LAMP3: variants seen among roughly 807,000 people sequenced by gnomAD.
The protein encoded by LAMP3 is lysosome associated membrane protein 3.
A neutral mutation model predicts 34.8 loss-of-function variants in LAMP3; 26 were observed. That is an observed-to-expected ratio of 0.75 (90% CI 0.55 to 1.04). The LOEUF (loss-of-function observed/expected upper bound fraction) is 1.04. Ranked by LOEUF, LAMP3 falls within the 50% of genes least tolerant of loss-of-function variation. LAMP3 has a pLI of 0.00. For synonymous variants in LAMP3, 180 were observed against 201.9 expected, an observed-to-expected ratio of 0.89 and a Z score of 0.92; for missense variants, 495 against 524.0, an observed-to-expected ratio of 0.94 and a Z score of 0.54.
At chr3:183,142,567 AAG>A (rs1209968927) in intron 3 of LAMP3, among the ~76,000 whole-genome samples, 4 of 152,110 alleles carry the variant, frequency 2.6e-5, no homozygotes, top group African/African-American at 9.7e-5. Context: ...GCTGAGAACA[AAG>A]AGGCTCAGAA....
intron 1 of LAMP3, among the ~76,000 whole-genome samples, chr3:183,158,821 C>T (rs1382949785): frequency 1.3e-5 from 2 of 152,026 alleles, no homozygotes; most frequent in East Asian, 1.9e-4. Flanking sequence ...GGTCTTTGTT[C>T]TCAGGGGCCC....
intron 3 of LAMP3, among the ~76,000 whole-genome samples, chr3:183,149,936 G>A (rs1173992398): frequency 2.0e-5 from 3 of 152,106 alleles, no homozygotes; most frequent in Non-Finnish European, 4.4e-5. Context: ...GGATAACTAA[G>A]GCCAGTGGGA....
At chr3:183,145,731 C>A (rs145445128) in intron 3 of LAMP3, among the ~76,000 whole-genome samples, 11,221 of 152,130 alleles carry the variant, frequency 0.074, 471 homozygotes, top group East Asian at 0.16. Flanking sequence ...GTGGTGCACA[C>A]CTGTAATCCC....
chr3:183,134,243 G>A (rs866148235), intron 5 of LAMP3, among the ~76,000 whole-genome samples: 1 of 152,130 alleles, frequency 6.6e-6, no homozygotes, highest in Non-Finnish European at 1.5e-5. Flanking sequence ...TGTATGAGAG[G>A]GTGCTGGAGG....
rs1309951393 is a variant in LAMP3 at position 183,162,705 on chromosome 3, C to T, written c.-50G>A. The stretch of plus-strand genomic sequence containing the variant: ...AGCGTGCGGCGAAGTCCGGGCAGGC[C>T]CCGAATCGGTGCCAGAGAAACCTAC... On this transcript the variant is annotated 5_prime_UTR_variant, in exon 1 of 6. Transcript: ENST00000265598. The T allele has an allele frequency of 1.4e-6, 2 of 1,472,618 alleles. No homozygotes were observed. Among genetic ancestry groups the T allele is most frequent in the Non-Finnish European group, 1.8e-6 (2 of 1,116,766 alleles). The allele number at this position is 1,472,618 out of a possible 1,614,324, so 91.2% of individuals were successfully genotyped here.
At chr3:183,158,930 A>T (rs991318351) in intron 1 of LAMP3, among the ~76,000 whole-genome samples, 5 of 149,132 alleles carry the variant, frequency 3.4e-5, no homozygotes, top group Admixed American at 3.4e-4. Context: ...ACAGGGTCTC[A>T]CTCTGTCACC....
At chr3:183,124,516 C>T (rs1719738006) in intron 5 of LAMP3, among the ~76,000 whole-genome samples, 1 of 152,164 alleles carries the variant, frequency 6.6e-6, no homozygotes, top group Non-Finnish European at 1.5e-5. Flanking sequence ...AGGCATACTC[C>T]CTGCTAAGTG....
Position 183,124,023 on chromosome 3 carries a change from CT to C in LAMP3, c.*57del, listed in dbSNP as rs1719725166. ...CTGAGGGAATTTCCCAACATCCATC[CT>C]GGAAGGGATGAAAGAGTTCTCTAAA... On this transcript the variant is annotated 3_prime_UTR_variant, in exon 6 of 6. Transcript: ENST00000265598. The C allele has an allele frequency of 6.3e-7, 1 of 1,597,914 alleles. No homozygotes were observed. The highest frequency in any genetic ancestry group is 1.3e-5 in the African/African-American group (1 of 74,478).
At chr3:183,149,590 TATATATATA>T (rs1457123206) in intron 3 of LAMP3, among the ~76,000 whole-genome samples, 6 of 108,448 alleles carry the variant, frequency 5.5e-5, no homozygotes, top group Non-Finnish European at 1.1e-4. Flanking sequence ...TATATATATA[TATATATATA>T]TATATATGTA....
At chr3:183,153,580 T>C (rs1460679699) in intron 2 of LAMP3, 102 bp downstream of exon 2, 2 of 746,494 alleles carry the variant, frequency 2.7e-6, no homozygotes, top group African/African-American at 3.5e-5. Flanking sequence ...AGCTATTGGT[T>C]TCATTTAAAG....
chr3:183,130,153 CCTT>C (rs1719872212), intron 5 of LAMP3, among the ~76,000 whole-genome samples: 1 of 128,322 alleles, frequency 7.8e-6, no homozygotes, highest in Admixed American at 9.1e-5. Flanking sequence ...CACCCTCACT[CCTT>C]TTTTTTTTTT....
intron 5 of LAMP3, among the ~76,000 whole-genome samples, chr3:183,125,334 G>GA (rs923715367): frequency 2.0e-5 from 3 of 152,008 alleles, no homozygotes; most frequent in Admixed American, 6.6e-5. Flanking sequence ...TGAGATCTGA[G>GA]AAAAAAAGTA....
chr3:183,138,203 G>C (rs1720160693), intron 4 of LAMP3, among the ~76,000 whole-genome samples: 1 of 152,072 alleles, frequency 6.6e-6, no homozygotes, highest in African/African-American at 2.4e-5. Context: ...GCAAATTTAT[G>C]TTAGCACTCA....
rs767459628 is a variant in LAMP3 at position 183,154,434 on chromosome 3, G to T, written c.50-43C>A. The T allele has an allele frequency of 2.8e-6, 4 of 1,428,802 alleles. No homozygotes were observed. In the South Asian group the frequency reaches 4.0e-5, roughly 14 times the overall value. The allele number at this position is 1,428,802 out of a possible 1,614,324, so 88.5% of individuals were successfully genotyped here. On this transcript the variant is annotated intron_variant, in intron 1 of 5. Transcript: ENST00000265598. ...AAAGTGTTAAAAACACTAACCGATT[G>T]CTTACAAGGTTCCCTCTCCCATCCC...
chr3:183,145,243 G>C (rs1720404799), intron 3 of LAMP3, among the ~76,000 whole-genome samples: 1 of 152,118 alleles, frequency 6.6e-6, no homozygotes, highest in South Asian at 2.1e-4. Flanking sequence ...ACACTGACAG[G>C]GAAAGGTTTT....
intron 1 of LAMP3, chr3:183,160,843 A>G (rs1276565359): frequency 3.3e-5 from 5 of 152,332 alleles, no homozygotes; most frequent in Non-Finnish European, 7.3e-5. Context: ...AACGGAGACA[A>G]TAGCAGTACT....
In LAMP3 at chr3:183,150,565, C is replaced by CTTTTTTTTTT. The variant is rs10665288; in HGVS notation, c.888+1800_888+1809dup. Among the ~76,000 whole-genome samples, 6 of 86,092 alleles carry CTTTTTTTTTT rather than the reference C, an allele frequency of 7.0e-5. 1 individual carries two copies. The highest frequency in any genetic ancestry group is 8.9e-5 in the Non-Finnish European group (4 of 45,050). 56.5% of individuals were successfully genotyped at this position (86,092 alleles called of 152,430 possible). On this transcript the variant is annotated intron_variant, in intron 3 of 5. Coordinates refer to ENST00000265598, the MANE Select transcript of LAMP3 (RefSeq NM_014398.4). ...ATCTTCTGCTATTTTGCCAAAGTGACTTTTTTTTTTTTTTTTTTTTTTGGA... is the reference window on the plus strand; with the variant it reads ...ATCTTCTGCTATTTTGCCAAAGTGACTTTTTTTTTTTTTTTTTTTTTTTTTTTTTTTTGGA...
intron 3 of LAMP3, among the ~76,000 whole-genome samples, chr3:183,145,591 A>C (rs1560310428): frequency 6.6e-6 from 1 of 152,222 alleles, no homozygotes; most frequent in East Asian, 1.9e-4. Context: ...ACAGTGGCTC[A>C]CACCTGTAAT....
chr3:183,141,620 T>G (rs1282760572), intron 3 of LAMP3, among the ~76,000 whole-genome samples: 1 of 152,222 alleles, frequency 6.6e-6, no homozygotes, highest in African/African-American at 2.4e-5. Context: ...CTTGACCACA[T>G]TATAGCTCAT....
Sources: allele counts gnomAD v4.1 joint callset (sites outside exome capture counted in the v4.1 genomes callset), GRCh38; gene constraint gnomAD v4.1.1; transcripts MANE v1.5; gene names NCBI Gene and HGNC (gene_info 2026-07-23, HGNC 2026-07-21).